The following DIP2B variants were observed in gnomAD, a reference collection of about 807,000 sequenced individuals.
DIP2B encodes the protein disco-interacting protein 2 homolog B.
A neutral mutation model predicts 198.0 loss-of-function variants in DIP2B; 76 were observed. The observed-to-expected ratio is 0.38, with a 90% CI of 0.32 to 0.46. DIP2B has a LOEUF of 0.46. Ranked by LOEUF, DIP2B falls within the 20% of genes least tolerant of loss-of-function variation. The probability of loss-of-function intolerance (pLI) is 0.99; values close to 1 mark genes in which losing one functional copy is unlikely to be tolerated. For missense variants in DIP2B, 1,559 were observed against 1,978.4 expected, an observed-to-expected ratio of 0.79 and a Z score of 4.02; for synonymous variants, 701 against 739.1, an observed-to-expected ratio of 0.95 and a Z score of 0.84.
At chr12:50,662,630 A>T (rs749359260) in intron 4 of DIP2B, among the ~76,000 whole-genome samples, 2 of 152,214 alleles carry the variant, frequency 1.3e-5, no homozygotes, top group Non-Finnish European at 2.9e-5. Flanking sequence ...ATCTCCCAGA[A>T]CTTGTTACAG....
chr12:50,690,908 A>C, intron 12 of DIP2B, 141 bp from the exon 13 acceptor site: 3 of 646,298 alleles, frequency 4.6e-6, no homozygotes, highest in Non-Finnish European at 7.8e-6. Context: ...ACCCTAGTAC[A>C]TTGCCTTAAA....
intron 1 of DIP2B, among the ~76,000 whole-genome samples, chr12:50,584,391 C>T (rs1251930468): frequency 1.3e-5 from 2 of 152,162 alleles, no homozygotes; most frequent in African/African-American, 4.8e-5. Flanking sequence ...GTACATATCT[C>T]AAATGCATTC....
chr12:50,517,321 C>T (rs530115127), intron 1 of DIP2B, among the ~76,000 whole-genome samples: 8 of 151,912 alleles, frequency 5.3e-5, no homozygotes, highest in South Asian at 4.2e-4. Context: ...GTGATCCACC[C>T]GTCTTGACCT....
intron 3 of DIP2B, among the ~76,000 whole-genome samples, chr12:50,650,388 G>T (rs1054689388): frequency 1.6e-4 from 24 of 152,308 alleles, no homozygotes; most frequent in African/African-American, 5.5e-4. Context: ...ATTGGTAACT[G>T]TACGCATGTT....
intron 16 of DIP2B, 127 bp from the exon 17 acceptor site, chr12:50,696,934 G>A (rs1438922626): frequency 1.4e-5 from 9 of 657,598 alleles, no homozygotes; most frequent in Non-Finnish European, 2.3e-5. Flanking sequence ...ATATTTGCGT[G>A]GAATTAACAA....
chr12:50,675,460 A>G lies in DIP2B; in HGVS notation c.916+12A>G. The G allele has an allele frequency of 6.2e-7, 1 of 1,611,992 alleles. No homozygotes were observed. ...AGAAATTGTGGAAGGTAGTAGTAAA[A>G]ATACCAAAAACATATATTCATTAAA... On this transcript the variant is annotated intron_variant, in intron 7 of 37. Transcript: ENST00000301180.
rs992840683 is a variant in DIP2B at position 50,505,028 on chromosome 12, T to G, written c.-113T>G. On this transcript the variant is annotated 5_prime_UTR_variant, in exon 1 of 38. Transcript: ENST00000301180. Reference sequence around the variant, plus strand: ...GCGGCGGCGGCGGCGGCGGCGGTGCTGGTGGTGCTCGGCGGCCGGAGCCGG... The same window carrying G: ...GCGGCGGCGGCGGCGGCGGCGGTGCGGGTGGTGCTCGGCGGCCGGAGCCGG... 1 of 806,804 alleles carries G rather than the reference T, an allele frequency of 1.2e-6. No individual in the cohort carries two copies. Among genetic ancestry groups the G allele is most frequent in the Admixed American group, 2.6e-5 (1 of 38,916 alleles). The allele number at this position is 806,804 out of a possible 1,614,324, so 50.0% of individuals were successfully genotyped here.
At chr12:50,582,709 C>T (rs146930981) in intron 1 of DIP2B, among the ~76,000 whole-genome samples, 81 of 152,280 alleles carry the variant, frequency 5.3e-4, no homozygotes, top group African/African-American at 1.8e-3. Context: ...CATCTGTGCC[C>T]CATCCACTTT....
At chr12:50,686,086 G>C in intron 11 of DIP2B, 130 bp downstream of exon 11, 1 of 999,468 alleles carries the variant, frequency 1.0e-6, no homozygotes, top group South Asian at 1.9e-5. Context: ...TATGAAGTAG[G>C]TACCATTATT....
At chr12:50,681,934 A>C (rs748904028) in intron 9 of DIP2B, among the ~76,000 whole-genome samples, 1 of 152,350 alleles carries the variant, frequency 6.6e-6, no homozygotes, top group African/African-American at 2.4e-5. Flanking sequence ...CCAGAACCCT[A>C]GGAAAATTCA....
intron 1 of DIP2B, among the ~76,000 whole-genome samples, chr12:50,592,431 A>G (rs1212897480): frequency 1.3e-5 from 2 of 152,168 alleles, no homozygotes; most frequent in Non-Finnish European, 2.9e-5. Flanking sequence ...TGCTGGCATT[A>G]TAGTTATCAG....
rs537612799 is a variant in DIP2B at position 50,555,825 on chromosome 12, T to C, written c.100+50585T>C. On this transcript the variant is annotated intron_variant, in intron 1 of 37. Transcript: ENST00000301180. Reference sequence around the variant, plus strand: ...AGTAGGGAGGCCCCTTCTTTCCTTTTGCTTCTTGTCAGTTTCCCATCTCTC... The same window carrying C: ...AGTAGGGAGGCCCCTTCTTTCCTTTCGCTTCTTGTCAGTTTCCCATCTCTC... 1.4e-4 allele frequency among the ~76,000 whole-genome samples: 22 copies of C among 152,166 alleles called. No homozygotes were observed. The East Asian group carries it at 3.7e-3, about 25-fold the overall frequency.
chr12:50,603,511 G>A (rs149300325), intron 1 of DIP2B, among the ~76,000 whole-genome samples: 2,086 of 152,070 alleles, frequency 0.014, 41 homozygotes, highest in African/African-American at 0.047. Context: ...GGCCAAGGCG[G>A]GTGGATTGCT....
chr12:50,567,487 A>G (rs923346024), intron 1 of DIP2B, among the ~76,000 whole-genome samples: 2 of 152,134 alleles, frequency 1.3e-5, no homozygotes, highest in Non-Finnish European at 2.9e-5. Context: ...CAGAGTGTTT[A>G]CCTTTACCTC....
At chr12:50,539,217 G>A (rs1168324786) in intron 1 of DIP2B, among the ~76,000 whole-genome samples, 1 of 145,704 alleles carries the variant, frequency 6.9e-6, no homozygotes. Flanking sequence ...GCTCTAGGTA[G>A]CTCGCTCTTT....
chr12:50,516,374 C>T (rs1958065389), intron 1 of DIP2B, among the ~76,000 whole-genome samples: 1 of 152,152 alleles, frequency 6.6e-6, no homozygotes, highest in Non-Finnish European at 1.5e-5. Flanking sequence ...CCCACCTCAG[C>T]CTCCCAAGTA....
At chr12:50,612,462 C>G (rs1327238496) in intron 1 of DIP2B, among the ~76,000 whole-genome samples, 1 of 141,024 alleles carries the variant, frequency 7.1e-6, no homozygotes, top group Non-Finnish European at 1.5e-5. Context: ...CAGTCTTGCT[C>G]TGTCCCCCCA....
At chr12:50,670,506 C>G (rs111842454) in intron 4 of DIP2B, among the ~76,000 whole-genome samples, 1 of 152,110 alleles carries the variant, frequency 6.6e-6, no homozygotes, top group South Asian at 2.1e-4. Context: ...ACCTCTGCCT[C>G]CGAGGTTCAA....
At chr12:50,659,029 G>A (rs980412609) in intron 3 of DIP2B, among the ~76,000 whole-genome samples, 2 of 152,216 alleles carry the variant, frequency 1.3e-5, no homozygotes, top group African/African-American at 4.8e-5. Flanking sequence ...AGAGGTTGCA[G>A]TGAGCTGAGA....
Sources: gnomAD v4.1 joint callset for allele counts (sites outside exome capture counted in the v4.1 genomes callset) on GRCh38, gnomAD v4.1.1 for gene constraint, MANE v1.5 for transcripts, NCBI Gene and HGNC (gene_info 2026-07-23, HGNC 2026-07-21) for gene names.